Variants in ANOS1 observed in about 807,000 individuals in gnomAD.
ANOS1 encodes anosmin-1.
ANOS1 carries 6 observed loss-of-function variants against 59.0 expected under a neutral mutation model. That is an observed-to-expected ratio of 0.10 (90% CI 0.06 to 0.20). The LOEUF (loss-of-function observed/expected upper bound fraction) is 0.20, where lower values mean the gene tolerates loss of function less well. Among genes scored for constraint, ANOS1 ranks in the 10% least tolerant of loss-of-function variants. The probability of loss-of-function intolerance (pLI) is 1.00; values close to 1 mark genes in which losing one functional copy is unlikely to be tolerated. For synonymous variants in ANOS1, 217 were observed against 223.4 expected, an observed-to-expected ratio of 0.97 and a Z score of 0.25; for missense variants, 433 against 542.3, an observed-to-expected ratio of 0.80 and a Z score of 2.00.
chrX:8,704,542 T>A lies in ANOS1; in HGVS notation c.208-4797A>T, dbSNP rs749884516. Reference sequence around the variant, plus strand: ...ATTTTGAATTGGGAATTAATATCAATACATTGCGTTGAGCAAGGCATTTTC... The same window carrying A: ...ATTTTGAATTGGGAATTAATATCAAAACATTGCGTTGAGCAAGGCATTTTC... On this transcript the variant is annotated intron_variant, in intron 1 of 13. Coordinates refer to ENST00000262648, the MANE Select transcript of ANOS1 (RefSeq NM_000216.4). Among the ~76,000 whole-genome samples, 21 of 112,490 alleles carry A rather than the reference T, an allele frequency of 1.9e-4. No homozygotes were observed. In the South Asian group the frequency reaches 7.4e-3, roughly 39 times the overall value.
chrX:8,566,339 A>G (rs867984597), intron 8 of ANOS1: 8 of 526,185 alleles, frequency 1.5e-5, no homozygotes, highest in African/African-American at 2.8e-5. Flanking sequence ...GTGTGTATAT[A>G]TGTGTGTGTG....
At chrX:8,567,247 A>G (rs1375247767) in intron 8 of ANOS1, among the ~76,000 whole-genome samples, 1 of 112,137 alleles carries the variant, frequency 8.9e-6, no homozygotes, top group Non-Finnish European at 1.9e-5. Flanking sequence ...GTAAGAAAAA[A>G]AGAAACAAGG....
chrX:8,638,792 G>C (rs936285367), intron 2 of ANOS1, among the ~76,000 whole-genome samples: 6 of 112,003 alleles, frequency 5.4e-5, no homozygotes, highest in Non-Finnish European at 1.1e-4. Flanking sequence ...CTGAGATGAA[G>C]ACAAATGATC....
At chrX:8,568,467 T>A in intron 7 of ANOS1, 91 bp from the exon 8 acceptor site, 1 of 825,716 alleles carries the variant, frequency 1.2e-6, no homozygotes, top group Non-Finnish European at 1.8e-6. Context: ...TTATGAAGCA[T>A]GCCAACTTCT....
At chrX:8,619,380 C>G (rs888139062) in intron 3 of ANOS1, among the ~76,000 whole-genome samples, 2 of 111,399 alleles carry the variant, frequency 1.8e-5, no homozygotes, top group African/African-American at 6.5e-5. Flanking sequence ...CCAAGGCGGG[C>G]GGATCACAAG....
In ANOS1 at chrX:8,663,027, T is replaced by TA. The variant is rs1555900182; in HGVS notation, c.255+36670dup. On this transcript the variant is annotated intron_variant, in intron 2 of 13. Transcript: ENST00000262648. ...GAAACTCTGTCTCAAAATAAATAAA[T>TA]AAATAAAATAAAATAAAATAAAATA... Among the ~76,000 whole-genome samples, 11 of 109,370 alleles carry TA rather than the reference T, an allele frequency of 1.0e-4. No individual in the cohort carries two copies. In the South Asian group the frequency reaches 1.9e-3, roughly 19 times the overall value. The allele number at this position is 109,370 out of a possible 115,157, so 95.0% of individuals were successfully genotyped here. A position where few individuals can be genotyped will look rare whatever the true frequency, so the allele number is the denominator to read the frequency against.
At chrX:8,698,638 G>A (rs762510579) in intron 2 of ANOS1, among the ~76,000 whole-genome samples, 2 of 111,633 alleles carry the variant, frequency 1.8e-5, no homozygotes, top group Admixed American at 9.5e-5. Flanking sequence ...TAAGTGGACC[G>A]TAACCAGGCA....
At chrX:8,599,126 C>G (rs1401629505) in intron 3 of ANOS1, among the ~76,000 whole-genome samples, 1 of 111,778 alleles carries the variant, frequency 8.9e-6, no homozygotes, top group Non-Finnish European at 1.9e-5. Flanking sequence ...GGGTATAAAG[C>G]AAGTACACAC....
intron 2 of ANOS1, among the ~76,000 whole-genome samples, chrX:8,654,051 T>C (rs1041825817): frequency 1.8e-5 from 2 of 111,984 alleles, no homozygotes; most frequent in African/African-American, 6.5e-5. Context: ...ACAAAATTCA[T>C]GGCTGTGAAT....
At chrX:8,566,815 C>T (rs1930122210) in intron 8 of ANOS1, among the ~76,000 whole-genome samples, 1 of 111,597 alleles carries the variant, frequency 9.0e-6, no homozygotes, top group African/African-American at 3.3e-5. Context: ...ACAAACCTGC[C>T]CATTTGGATC....
intron 9 of ANOS1, among the ~76,000 whole-genome samples, chrX:8,540,768 G>C (rs901568216): frequency 4.6e-5 from 5 of 109,040 alleles, no homozygotes; most frequent in African/African-American, 1.7e-4. Flanking sequence ...GAGCACTTTG[G>C]AACCAGAAAA....
chrX:8,637,245 T>A (rs982119560), intron 2 of ANOS1, among the ~76,000 whole-genome samples: 1 of 112,241 alleles, frequency 8.9e-6, no homozygotes, highest in Admixed American at 9.5e-5. Flanking sequence ...TCCTTCATAC[T>A]GTGGGCAATG....
In ANOS1 at chrX:8,529,122, G is replaced by C. The variant is rs185532637; in HGVS notation, c.*3873C>G. 8.9e-6 allele frequency: 1 copy of C among 111,761 alleles called. No individual in the cohort carries two copies. The highest frequency in any genetic ancestry group is 1.9e-5 in the Non-Finnish European group (1 of 53,171). 9.2% of individuals were successfully genotyped at this position (111,761 alleles called of 1,213,427 possible). A position where few individuals can be genotyped will look rare whatever the true frequency, so the allele number is the denominator to read the frequency against. On this transcript the variant is annotated 3_prime_UTR_variant, in exon 14 of 14. Coordinates refer to ENST00000262648, the MANE Select transcript of ANOS1 (RefSeq NM_000216.4). Reference sequence around the variant, plus strand: ...CATGAATTCTACAGACCACTTGGATGAGAAGGTAGCAGTTTTGTTATCTGC... The same window carrying C: ...CATGAATTCTACAGACCACTTGGATCAGAAGGTAGCAGTTTTGTTATCTGC...
chrX:8,669,272 G>A (rs1932216197), intron 2 of ANOS1, among the ~76,000 whole-genome samples: 1 of 111,826 alleles, frequency 8.9e-6, no homozygotes, highest in Non-Finnish European at 1.9e-5. Flanking sequence ...TCTAGGACTA[G>A]GAAATCATGG....
At chrX:8,690,383 A>G (rs1932588383) in intron 2 of ANOS1, among the ~76,000 whole-genome samples, 1 of 112,330 alleles carries the variant, frequency 8.9e-6, no homozygotes, top group African/African-American at 3.2e-5. Context: ...TATCATATAT[A>G]AAGTCAAGAG....
At chrX:8,626,597 C>T (rs756307750) in intron 2 of ANOS1, among the ~76,000 whole-genome samples, 111 of 111,170 alleles carry the variant, frequency 1.0e-3, no homozygotes, top group African/African-American at 3.4e-3. Context: ...CGGTGGCTCA[C>T]GCCTGTAATC....
At chrX:8,549,177 G>C (rs1313357798) in intron 9 of ANOS1, among the ~76,000 whole-genome samples, 1 of 112,184 alleles carries the variant, frequency 8.9e-6, no homozygotes, top group African/African-American at 3.2e-5. Context: ...TAAATATTGA[G>C]ACAATTCTCT....
At chrX:8,688,669 A>G (rs1378524474) in intron 2 of ANOS1, among the ~76,000 whole-genome samples, 1 of 112,167 alleles carries the variant, frequency 8.9e-6, no homozygotes, top group Non-Finnish European at 1.9e-5. Context: ...CACCCGTAAA[A>G]TTGACATGGA....
chrX:8,697,694 T>C (rs1932703713), intron 2 of ANOS1, among the ~76,000 whole-genome samples: 1 of 112,314 alleles, frequency 8.9e-6, no homozygotes, highest in Non-Finnish European at 1.9e-5. Flanking sequence ...GCATTAACAC[T>C]GCTTCTGACT....
Sources: gnomAD v4.1 joint callset for allele counts (sites outside exome capture counted in the v4.1 genomes callset) on GRCh38, gnomAD v4.1.1 for gene constraint, MANE v1.5 for transcripts, NCBI Gene and HGNC (gene_info 2026-07-23, HGNC 2026-07-21) for gene names.